The following DRC8 variants were observed in gnomAD, a reference collection of about 807,000 sequenced individuals.
DRC8 encodes dynein regulatory complex subunit 8.
the DRC8 span, among the ~76,000 whole-genome samples, chr1:245,044,354 A>G: frequency 6.6e-6 from 1 of 152,220 alleles, no homozygotes; most frequent in South Asian, 2.1e-4. Context: ...GGAGCCAGTG[A>G]TAACCAGCCC....
the DRC8 span, chr1:244,970,427 C>G: frequency 3.9e-6 from 6 of 1,537,402 alleles, no homozygotes; most frequent in South Asian, 4.7e-5. Flanking sequence ...AGATGGCGGA[C>G]GAGAAGGACA....
chr1:245,052,856 G>A, the DRC8 span, among the ~76,000 whole-genome samples: 1 of 152,224 alleles, frequency 6.6e-6, no homozygotes, highest in African/African-American at 2.4e-5. Flanking sequence ...CTTTTCTTCC[G>A]TGCCATTCAC....
At chr1:245,103,792 A>G in the DRC8 span, among the ~76,000 whole-genome samples, 5 of 152,222 alleles carry the variant, frequency 3.3e-5, no homozygotes, top group African/African-American at 4.8e-5. Flanking sequence ...CAAGCACTGG[A>G]TCCACTAAAG....
chr1:245,109,083 C>T, the DRC8 span, among the ~76,000 whole-genome samples: 3 of 152,116 alleles, frequency 2.0e-5, no homozygotes, highest in East Asian at 1.9e-4. Flanking sequence ...TACCTCTGCA[C>T]GTAACTGGAG....
chr1:245,053,190 A>G, the DRC8 span, among the ~76,000 whole-genome samples: 1 of 152,176 alleles, frequency 6.6e-6, no homozygotes, highest in Non-Finnish European at 1.5e-5. Context: ...TCTTTGAATA[A>G]TGTTGTTACA....
the DRC8 span, among the ~76,000 whole-genome samples, chr1:245,016,568 A>C: frequency 1.1e-3 from 166 of 152,258 alleles, 1 homozygote; most frequent in Admixed American, 2.0e-3. Flanking sequence ...TATTTTATCG[A>C]ATATTACGAG....
the DRC8 span, among the ~76,000 whole-genome samples, chr1:244,994,632 A>G: frequency 6.6e-6 from 1 of 151,886 alleles, no homozygotes; most frequent in Admixed American, 6.6e-5. Context: ...GTTTCACCAT[A>G]TTGGCCAGGC....
At chr1:245,095,564 G>C in the DRC8 span, among the ~76,000 whole-genome samples, 1 of 152,122 alleles carries the variant, frequency 6.6e-6, no homozygotes, top group African/African-American at 2.4e-5. Flanking sequence ...AGGTCTCACT[G>C]TGTCACCCTG....
At chr1:245,080,472 G>A in the DRC8 span, among the ~76,000 whole-genome samples, 1 of 152,172 alleles carries the variant, frequency 6.6e-6, no homozygotes, top group East Asian at 1.9e-4. Context: ...TTAAGATGTA[G>A]TTGGTCCTTG....
At chr1:245,044,584 T>C in the DRC8 span, among the ~76,000 whole-genome samples, 1 of 151,390 alleles carries the variant, frequency 6.6e-6, no homozygotes, top group Non-Finnish European at 1.5e-5. Context: ...TATTTATTTA[T>C]TTACTTTTTT....
the DRC8 span, among the ~76,000 whole-genome samples, chr1:245,037,579 G>A: frequency 5.3e-4 from 80 of 152,204 alleles, no homozygotes; most frequent in Non-Finnish European, 7.1e-4. Flanking sequence ...AAAGATATCC[G>A]CATTTGCTGT....
the DRC8 span, among the ~76,000 whole-genome samples, chr1:245,076,230 A>G: frequency 5.3e-5 from 8 of 152,346 alleles, no homozygotes; most frequent in Admixed American, 6.5e-5. Context: ...AAGTGTGTAC[A>G]CTGCTGGTAC....
At chr1:245,021,152 T>A in the DRC8 span, among the ~76,000 whole-genome samples, 2 of 152,166 alleles carry the variant, frequency 1.3e-5, no homozygotes, top group Non-Finnish European at 2.9e-5. Flanking sequence ...ACATTTGGGT[T>A]GATTTATGAT....
chr1:244,986,732 G>A, the DRC8 span, among the ~76,000 whole-genome samples: 8 of 144,650 alleles, frequency 5.5e-5, no homozygotes, highest in African/African-American at 2.1e-4. Flanking sequence ...GTAACATAGT[G>A]AGACCCTGTC....
the DRC8 span, among the ~76,000 whole-genome samples, chr1:245,027,924 G>A: frequency 2.0e-5 from 3 of 147,060 alleles, no homozygotes; most frequent in Non-Finnish European, 4.4e-5. Flanking sequence ...CTGGGTCTCC[G>A]TCTGTCACCC....
At chr1:244,999,798 G>C in the DRC8 span, among the ~76,000 whole-genome samples, 6 of 143,930 alleles carry the variant, frequency 4.2e-5, no homozygotes, top group East Asian at 1.2e-3. Flanking sequence ...CCATGATAAA[G>C]TTTTTTTGTT....
the DRC8 span, among the ~76,000 whole-genome samples, chr1:245,005,216 G>A: frequency 3.2e-4 from 49 of 151,448 alleles, no homozygotes; most frequent in African/African-American, 1.2e-3. Context: ...ATGGATGTTG[G>A]TTTGTAGTTT....
the DRC8 span, among the ~76,000 whole-genome samples, chr1:245,084,796 C>T: frequency 2.6e-5 from 4 of 152,316 alleles, no homozygotes; most frequent in East Asian, 3.9e-4. Context: ...TGCATCTACA[C>T]GCACAACTGG....
chr1:245,087,054 C>A, the DRC8 span: 6 of 800,172 alleles, frequency 7.5e-6, no homozygotes, highest in South Asian at 3.7e-5. Context: ...AGTCCAGAAT[C>A]TACCAGGGTG....
Sources: allele counts gnomAD v4.1 joint callset (sites outside exome capture counted in the v4.1 genomes callset), GRCh38; gene constraint gnomAD v4.1.1; transcripts MANE v1.5; gene names NCBI Gene and HGNC (gene_info 2026-07-23, HGNC 2026-07-21).